The following SPATA20 variants were observed in gnomAD, a reference collection of about 807,000 sequenced individuals.
SPATA20 encodes spermatogenesis-associated protein 20.
In SPATA20, 74 loss-of-function variants were observed where a neutral mutation model predicts 98.9. That is an observed-to-expected ratio of 0.75 (90% CI 0.62 to 0.91). SPATA20 has a LOEUF of 0.91. Among genes scored for constraint, SPATA20 ranks in the 40% least tolerant of loss-of-function variants. The probability of loss-of-function intolerance (pLI) is 0.00; values close to 1 mark genes in which losing one functional copy is unlikely to be tolerated. For synonymous variants in SPATA20, 430 were observed against 440.5 expected, an observed-to-expected ratio of 0.98 and a Z score of 0.30; for missense variants, 1,016 against 1,069.8, an observed-to-expected ratio of 0.95 and a Z score of 0.70.
At position 50,554,246 on chromosome 17, in the gene SPATA20, T is replaced by C. The variant is rs739924; in HGVS notation, c.1958-5T>C. 0.28 allele frequency: 458,599 copies of C among 1,613,004 alleles called. 75,230 individuals carry two copies. Among genetic ancestry groups the C allele is most frequent in the African/African-American group, 0.71 (52,865 of 74,916 alleles). Reference sequence around the variant, plus strand: ...CCCCACCCCCTGCCTCCCTATGTGCTGTAGACCAGGATGGAGCAGAGCCCA... The same window carrying C: ...CCCCACCCCCTGCCTCCCTATGTGCCGTAGACCAGGATGGAGCAGAGCCCA... On this transcript the variant is annotated splice_region_variant and splice_polypyrimidine_tract_variant and intron_variant, in intron 14 of 16. Transcript: ENST00000006658.
chr17:50,552,287 T>A, intron 14 of SPATA20, 107 bp downstream of exon 14: 1 of 865,188 alleles, frequency 1.2e-6, no homozygotes. Flanking sequence ...CTCTGCTACT[T>A]ATTAATGGCG....
At chr17:50,547,392 C>T in intron 1 of SPATA20, 107 bp downstream of exon 1, 1 of 988,056 alleles carries the variant, frequency 1.0e-6, no homozygotes, top group Non-Finnish European at 1.4e-6. Context: ...ACCACCCCTG[C>T]ATGCCTGGCC....
At position 50,550,881 on chromosome 17, in the gene SPATA20, C is replaced by T. The variant is rs139980663; in HGVS notation, c.1347C>T (p.Tyr449=). The T allele has an allele frequency of 0.013, 20,246 of 1,613,098 alleles. 171 individuals are homozygous for T. The highest frequency in any genetic ancestry group is 0.015 in the Non-Finnish European group (18,061 of 1,180,006). The part of the protein sequence containing the change: ...LTSGQLLMKH[Y]GLTEAGNISP... ...CAGGCCAGCTCCTCATGAAGCACTA[C>T]GGCCTCACAGAGGCTGGTAACATCA... The change falls in exon 11 of 17, where the codon TAC becomes TAT. Residue 449 remains tyrosine (Y), a synonymous_variant. Coordinates refer to ENST00000006658, the MANE Select transcript of SPATA20 (RefSeq NM_022827.4).
At chr17:50,554,534 T>G (rs1597874131) in intron 15 of SPATA20, 84 bp downstream of exon 15, 1 of 1,410,654 alleles carries the variant, frequency 7.1e-7, no homozygotes, top group Non-Finnish European at 9.9e-7. Flanking sequence ...GGGGGTGGGG[T>G]TCCTGGGCTG....
rs750119291 is a variant in SPATA20, at chr17:50,550,155, G to T, written c.993+40G>T. The stretch of plus-strand genomic sequence containing the variant: ...GTGTTCCCTGGAGGGGCAGCAGGGG[G>T]CTGTGGGGTGGGGCAGAAGCTGGGA... On this transcript the variant is annotated intron_variant, in intron 8 of 16. Transcript: ENST00000006658. The T allele has an allele frequency of 3.3e-5, 54 of 1,612,368 alleles. No individual in the cohort carries two copies. The East Asian group carries it at 1.1e-3, about 32-fold the overall frequency.
At position 50,551,950 on chromosome 17, in the gene SPATA20, C is replaced by G; in HGVS notation, c.1746-19C>G. ...TCCTGGGGCTCTCCCCAGCCCCTCC[C>G]GTAATGCCTGTCCCCCAGCAACCCA... On this transcript the variant is annotated intron_variant, in intron 13 of 16. Transcript: ENST00000006658. 1 of 1,559,426 alleles carries G rather than the reference C, an allele frequency of 6.4e-7. No individual in the cohort carries two copies. The highest frequency in any genetic ancestry group is 2.4e-5 in the East Asian group (1 of 41,894).
At chr17:50,547,679 C>T in intron 1 of SPATA20, 41 bp from the exon 2 acceptor site, 1 of 780,860 alleles carries the variant, frequency 1.3e-6, no homozygotes, top group Non-Finnish European at 2.4e-6. Flanking sequence ...GCCTGCAGTC[C>T]CACTTCCAGG....
rs749784834 is a variant in SPATA20 at position 50,549,274 on chromosome 17, C to T, written c.661-12C>T. The T allele has an allele frequency of 1.0e-5, 16 of 1,607,178 alleles. No individual in the cohort carries two copies. In the East Asian group the frequency reaches 1.8e-4, roughly 18 times the overall value. On this transcript the variant is annotated splice_polypyrimidine_tract_variant and intron_variant, in intron 6 of 16. Coordinates refer to ENST00000006658, the MANE Select transcript of SPATA20 (RefSeq NM_022827.4). ...CCTAGCTGACCTCCAGGTGTGCCCCCACCTCCCGCAGTGGAAACAGAACAA... is the reference window on the plus strand; with the variant it reads ...CCTAGCTGACCTCCAGGTGTGCCCCTACCTCCCGCAGTGGAAACAGAACAA...
chr17:50,547,228 G>C lies in SPATA20; in HGVS notation c.20G>C (p.Trp7Ser). The stretch of plus-strand genomic sequence containing the variant: ...GCAGCCATGCTGGGCGCGCGGGCCT[G>C]GTTGGGCCGCGTCCTTCTGCTGCCC... MLGARA[W>S]LGRVLLLPRA... Residue 7 changes from tryptophan to serine, a missense_variant, in exon 1 of 17, where the codon TGG (tryptophan) becomes TCG (serine). By Grantham distance (177) the Trp-to-Ser change is radical. Coordinates refer to ENST00000006658, the MANE Select transcript of SPATA20 (RefSeq NM_022827.4). The C allele has an allele frequency of 7.1e-7, 1 of 1,417,344 alleles. No homozygotes were observed. Among genetic ancestry groups the C allele is most frequent in the East Asian group, 3.0e-5 (1 of 33,732 alleles). The allele number at this position is 1,417,344 out of a possible 1,614,324, so 87.8% of individuals were successfully genotyped here.
chr17:50,549,544 T>G (rs767282498), intron 7 of SPATA20, 57 bp downstream of exon 7: 3 of 1,533,258 alleles, frequency 2.0e-6, no homozygotes, highest in Non-Finnish European at 2.7e-6. Context: ...CCTATGCTGG[T>G]CAGGGACCTA....
chr17:50,549,003 C>G (rs749220077), intron 5 of SPATA20, 39 bp downstream of exon 5: 2 of 1,613,862 alleles, frequency 1.2e-6, no homozygotes, highest in Non-Finnish European at 1.7e-6. Context: ...GCCACATGGG[C>G]TCAGAGCAGC....
intron 1 of SPATA20, 70 bp downstream of exon 1, chr17:50,547,355 G>A: frequency 7.7e-7 from 1 of 1,298,256 alleles, no homozygotes; most frequent in Non-Finnish European, 1.0e-6. Context: ...AGGGTCTTCC[G>A]GACACCGGTC....
rs778839011 is a variant in SPATA20, at chr17:50,549,026, C to G, written c.517-17C>G. 89 of 1,613,796 alleles carry G rather than the reference C, an allele frequency of 5.5e-5. 2 individuals are homozygous for G. The South Asian group carries it at 9.7e-4, about 18-fold the overall frequency. On this transcript the variant is annotated splice_polypyrimidine_tract_variant and intron_variant, in intron 5 of 16. Transcript: ENST00000006658. Reference sequence around the variant, plus strand: ...GGCTCAGAGCAGCTCCCCTCACCCTCGCCCTCTCTCCGCCAGGCCACCAGC... The same window carrying G: ...GGCTCAGAGCAGCTCCCCTCACCCTGGCCCTCTCTCCGCCAGGCCACCAGC...
intron 7 of SPATA20, 46 bp from the exon 8 acceptor site, chr17:50,549,939 C>G: frequency 6.6e-7 from 1 of 1,518,762 alleles, no homozygotes; most frequent in South Asian, 1.3e-5. Flanking sequence ...GATCTCTGTC[C>G]CCACTTTCCC....
rs765275743 is a variant in SPATA20, at chr17:50,550,710, C to T, written c.1176C>T (p.Ser392=). Residue 392 remains serine (S), a splice_region_variant and synonymous_variant, in exon 11 of 17, where the codon TCC becomes TCT. Coordinates refer to ENST00000006658, the MANE Select transcript of SPATA20 (RefSeq NM_022827.4). ...AGCCAACTCTCCCCTCCCCACAGTCCGGAGGCTTCTATAGCGCAGAAGATG... is the reference window on the plus strand; with the variant it reads ...AGCCAACTCTCCCCTCCCCACAGTCTGGAGGCTTCTATAGCGCAGAAGATG... The part of the protein sequence containing the change: ...QYVARSLSHR[S]GGFYSAEDAD... 13 of 1,613,182 alleles carry T rather than the reference C, an allele frequency of 8.1e-6. No homozygotes were observed. Among genetic ancestry groups the T allele is most frequent in the African/African-American group, 4.0e-5 (3 of 74,930 alleles).
chr17:50,552,232 G>C, intron 14 of SPATA20, 52 bp downstream of exon 14: 4 of 1,519,462 alleles, frequency 2.6e-6, no homozygotes, highest in Non-Finnish European at 3.6e-6. Flanking sequence ...TAAGTGCAGC[G>C]TGGGTGAAGA....
Position 50,550,898 on chromosome 17 carries a change from G to T in SPATA20, c.1364G>T (p.Gly455Val), listed in dbSNP as rs887588547. Residue 455 changes from glycine to valine, a missense_variant, in exon 11 of 17, where the codon GGT becomes GTT. Transcript: ENST00000006658. The part of the protein sequence containing the change: ...LMKHYGLTEA[G>V]NISPSQDPKG... The stretch of plus-strand genomic sequence containing the variant: ...AAGCACTACGGCCTCACAGAGGCTG[G>T]TAACATCAGCCCCAGTCAGGTGAGG... 6.2e-7 allele frequency: 1 copy of T among 1,613,040 alleles called. No individual in the cohort carries two copies. The highest frequency in any genetic ancestry group is 1.3e-5 in the African/African-American group (1 of 75,080).
intron 14 of SPATA20, 58 bp from the exon 15 acceptor site, chr17:50,554,193 G>A: frequency 6.6e-7 from 1 of 1,525,218 alleles, no homozygotes; most frequent in Middle Eastern, 1.7e-4. Context: ...CCTGGGCAGG[G>A]TCCTGGGACT....
Position 50,549,167 on chromosome 17 carries a change from T to C in SPATA20, c.641T>C (p.Leu214Ser). 2 of 1,601,566 alleles carry C rather than the reference T, an allele frequency of 1.2e-6. No homozygotes were observed. Among genetic ancestry groups the C allele is most frequent in the Non-Finnish European group, 1.7e-6 (2 of 1,171,886 alleles). The change falls in exon 6 of 17, where the codon TTG becomes TCG. Residue 214 changes from leucine (L) to serine (S), a missense_variant. Leu to Ser is a moderately radical substitution (Grantham distance 145, BLOSUM62 -2). Coordinates refer to ENST00000006658, the MANE Select transcript of SPATA20 (RefSeq NM_022827.4). ...GLTRVGFRTV[L>S]LRIREQWKQN... Reference sequence around the variant, plus strand: ...ACCCGAGTCGGCTTCCGCACAGTGTTGCTGAGAATACGAGAACAGGTGGGT... The same window carrying C: ...ACCCGAGTCGGCTTCCGCACAGTGTCGCTGAGAATACGAGAACAGGTGGGT...
Sources: gnomAD v4.1 joint callset for allele counts on GRCh38, gnomAD v4.1.1 for gene constraint, MANE v1.5 for transcripts, NCBI Gene and HGNC (gene_info 2026-07-23, HGNC 2026-07-21) for gene names.